SETD2: variants seen among roughly 807,000 people sequenced by gnomAD.
SETD2 encodes the protein SET domain containing 2, histone lysine methyltransferase.
Under a neutral mutation model 242.1 loss-of-function variants are expected in SETD2, and 31 were observed. The observed-to-expected ratio is 0.13, with a 90% confidence interval of 0.10 to 0.17. SETD2 has a LOEUF of 0.17. Among genes scored for constraint, SETD2 ranks in the 10% least tolerant of loss-of-function variants. The pLI is 1.00. For missense variants in SETD2, 2,481 were observed against 3,046.3 expected (o/e 0.81, Z 4.37); for synonymous variants, 1,006 against 1,066.5 (o/e 0.94, Z 1.11).
chr3:47,036,905 T>TAAAAAAAAA (rs60186354), intron 18 of SETD2, among the ~76,000 whole-genome samples: 4 of 117,906 alleles, frequency 3.4e-5, no homozygotes, highest in Admixed American at 1.8e-4. Context: ...CCGTCTCATT[T>TAAAAAAAAA]AAAAAAAAAA....
chr3:47,163,781 C>T (rs1240562646), intron 1 of SETD2, 73 bp downstream of exon 1: 1 of 1,228,870 alleles, frequency 8.1e-7, no homozygotes, highest in Non-Finnish European at 1.0e-6. Context: ...CGCCGCCACC[C>T]GTCAGGACGC....
chr3:47,099,875 G>C (rs2042141664), intron 8 of SETD2, among the ~76,000 whole-genome samples: 1 of 151,434 alleles, frequency 6.6e-6, no homozygotes, highest in Non-Finnish European at 1.5e-5. Context: ...CAGAATAAAT[G>C]TTTAAATGCT....
chr3:47,038,675 G>A lies in SETD2; in HGVS notation c.7239-898C>T, dbSNP rs2039136356. Reference sequence around the variant, plus strand: ...CCCTCTGCTAAAAATATTCCCGACCGACTGCAAAAAGAAGGTTTCGGCCAT... The same window carrying A: ...CCCTCTGCTAAAAATATTCCCGACCAACTGCAAAAAGAAGGTTTCGGCCAT... On this transcript the variant is annotated intron_variant, in intron 17 of 20. Transcript: ENST00000409792. Among the ~76,000 whole-genome samples, 2 of 151,494 alleles carry A rather than the reference G, an allele frequency of 1.3e-5. 1 individual carries two copies. The highest frequency in any genetic ancestry group is 4.1e-4 in the South Asian group (2 of 4,820).
intron 14 of SETD2, among the ~76,000 whole-genome samples, chr3:47,057,753 T>C (rs1034526489): frequency 1.3e-5 from 2 of 152,198 alleles, no homozygotes; most frequent in Admixed American, 1.3e-4. Context: ...TAAAGATAGA[T>C]ACAGCATCCT....
chr3:47,053,428 CA>C (rs2039933061), intron 15 of SETD2, among the ~76,000 whole-genome samples: 2 of 152,276 alleles, frequency 1.3e-5, no homozygotes, highest in South Asian at 4.1e-4. Context: ...TCTAAGCACT[CA>C]AACTCTTGAG....
Position 47,072,390 on chromosome 3 carries a change from A to G in SETD2, c.6061-5272T>C, listed in dbSNP as rs539729159. Among the ~76,000 whole-genome samples, 4 of 152,338 alleles carry G rather than the reference A, an allele frequency of 2.6e-5. No individual in the cohort carries two copies. The South Asian group carries it at 8.3e-4, about 32-fold the overall frequency. ...ATCAGATTATCTGTTCTGTAATAAC[A>G]GATTTATTTTTGAAAACTAAGACTA... On this transcript the variant is annotated intron_variant, in intron 12 of 20. Transcript: ENST00000409792.
chr3:47,102,531 C>T (rs2042254047), intron 7 of SETD2, among the ~76,000 whole-genome samples: 1 of 152,210 alleles, frequency 6.6e-6, no homozygotes, highest in Non-Finnish European at 1.5e-5. Flanking sequence ...AGGCTCACGC[C>T]TATAATCTTA....
intron 3 of SETD2, chr3:47,119,918 TA>T (rs2043004405): frequency 2.4e-6 from 1 of 413,228 alleles, no homozygotes; most frequent in Non-Finnish European, 4.4e-6. Context: ...TGGGCTAGCC[TA>T]AATTGTACCT....
intron 14 of SETD2, among the ~76,000 whole-genome samples, chr3:47,058,809 T>C (rs1388818338): frequency 6.6e-6 from 1 of 151,918 alleles, no homozygotes; most frequent in African/African-American, 2.4e-5. Context: ...ATTTTTTTTT[T>C]TTTGAGATGG....
In SETD2 at chr3:47,122,434, A is replaced by G. The variant is rs2106678301; in HGVS notation, c.2202T>C (p.Asp734=). ...ISRCKEKDLD[D]TCMLHKKSES... ...CTGACTTCTTATGCAGCATGCAGGT[A>G]TCATCCAAGTCTTTTTCTTTGCACC... The change falls in exon 3 of 21, where the codon GAT becomes GAC. Residue 734 remains aspartate (D), a synonymous_variant. Coordinates refer to ENST00000409792, the MANE Select transcript of SETD2 (RefSeq NM_014159.7). 2 of 1,614,170 alleles carry G rather than the reference A, an allele frequency of 1.2e-6. No individual in the cohort carries two copies. The highest frequency in any genetic ancestry group is 1.7e-6 in the Non-Finnish European group (2 of 1,180,008).
chr3:47,116,890 C>G, intron 3 of SETD2, 136 bp from the exon 4 acceptor site: 1 of 611,974 alleles, frequency 1.6e-6, no homozygotes, highest in Non-Finnish European at 2.7e-6. Flanking sequence ...GTCACCCAGG[C>G]CAGGGTGCAG....
chr3:47,082,033 G>A (rs779977115), intron 12 of SETD2, among the ~76,000 whole-genome samples: 7 of 152,168 alleles, frequency 4.6e-5, no homozygotes, highest in Non-Finnish European at 5.9e-5. Context: ...AAGATAAGAA[G>A]AAGGGGAAGA....
chr3:47,160,920 C>T (rs559099264), intron 1 of SETD2, among the ~76,000 whole-genome samples: 5 of 152,282 alleles, frequency 3.3e-5, no homozygotes, highest in East Asian at 1.9e-4. Context: ...AACACAATGT[C>T]CTCTATGCTG....
intron 1 of SETD2, among the ~76,000 whole-genome samples, chr3:47,129,422 C>T (rs2106753284): frequency 6.6e-6 from 1 of 152,316 alleles, no homozygotes; most frequent in East Asian, 1.9e-4. Context: ...TTTGTGCATG[C>T]ACTTGAGTGT....
chr3:47,097,423 C>G (rs2042051482), intron 9 of SETD2, among the ~76,000 whole-genome samples: 1 of 152,130 alleles, frequency 6.6e-6, no homozygotes, highest in East Asian at 1.9e-4. Context: ...ACCAACAATC[C>G]CATCCCCATC....
rs1479517424 is a variant in SETD2, at chr3:47,050,592, T to C, written c.6964-3971A>G. 2.0e-5 allele frequency among the ~76,000 whole-genome samples: 3 copies of C among 152,138 alleles called. No homozygotes were observed. In the East Asian group the frequency reaches 5.8e-4, roughly 29 times the overall value. ...TCGCTGGAATATTTTGGATTTTGAC[T>C]TAGGGATGCTCTACCACTAAGTATA... On this transcript the variant is annotated intron_variant, in intron 15 of 20. Transcript: ENST00000409792.
chr3:47,096,210 G>A (rs1486078152), intron 9 of SETD2, among the ~76,000 whole-genome samples: 2 of 152,220 alleles, frequency 1.3e-5, no homozygotes, highest in African/African-American at 4.8e-5. Flanking sequence ...GTTAAGAGCA[G>A]AGACAAGATG....
At chr3:47,027,937 GC>G (rs36075297) in intron 18 of SETD2, among the ~76,000 whole-genome samples, 1 of 151,518 alleles carries the variant, frequency 6.6e-6, no homozygotes, top group Non-Finnish European at 1.5e-5. Context: ...GACTACAGGC[GC>G]CCCCCCGCAC....
intron 1 of SETD2, among the ~76,000 whole-genome samples, chr3:47,151,330 C>A (rs2043977738): frequency 6.6e-6 from 1 of 151,998 alleles, no homozygotes; most frequent in African/African-American, 2.4e-5. Context: ...TATAAAAATA[C>A]ATATATAAAA....
Sources: gnomAD v4.1 joint callset for allele counts (sites outside exome capture counted in the v4.1 genomes callset) on GRCh38, gnomAD v4.1.1 for gene constraint, MANE v1.5 for transcripts, NCBI Gene and HGNC (gene_info 2026-07-23, HGNC 2026-07-21) for gene names.